Variants in DCHS2 observed in about 807,000 individuals in gnomAD.
DCHS2 encodes the protein protocadherin-23.
DCHS2 carries 142 observed loss-of-function variants against 182.4 expected under a neutral mutation model. The ratio of observed to expected loss-of-function variants is 0.78; its 90% CI spans 0.68 to 0.89. DCHS2 has a LOEUF of 0.89. DCHS2 is among the 40% of genes least tolerant of loss of function. The pLI, the probability that DCHS2 is intolerant of heterozygous loss-of-function variation, is 0.00. For synonymous variants in DCHS2, 1,740 were observed against 1,663.3 expected (o/e 1.05, Z -1.12); for missense variants, 4,319 against 4,198.6 (o/e 1.03, Z -0.79).
At position 154,320,729 on chromosome 4, in the gene DCHS2, G is replaced by A. The variant is rs1390172512; in HGVS notation, c.4670C>T (p.Thr1557Met). 9.3e-6 allele frequency: 15 copies of A among 1,614,050 alleles called. No homozygotes were observed. The highest frequency in any genetic ancestry group is 4.5e-5 in the East Asian group (2 of 44,880). ...QYYIESHNPG[T>M]NPFLIHPSFG... Reference sequence around the variant, plus strand: ...TGAGGGGTGGATGAGAAATGGATTCGTGCCAGGGTTGTGGGATTCAATGTA... The same window carrying A: ...TGAGGGGTGGATGAGAAATGGATTCATGCCAGGGTTGTGGGATTCAATGTA... Residue 1557 changes from threonine (T) to methionine (M), a missense_variant, in exon 9 of 20, where the codon ACG (threonine) becomes ATG (methionine). Coordinates refer to ENST00000357232, the MANE Select transcript of DCHS2 (RefSeq NM_001358235.2).
chr4:154,374,497 T>C (rs1730797086), intron 2 of DCHS2: 1 of 152,280 alleles, frequency 6.6e-6, no homozygotes, highest in Non-Finnish European at 1.5e-5. Flanking sequence ...TTAATATAAA[T>C]TCTGTTTACT....
rs142898690 is a variant in DCHS2 at position 154,270,165 on chromosome 4, C to T, written c.6464-152G>A. 5.0e-4 allele frequency: 491 copies of T among 991,536 alleles called. 2 individuals carry two copies. In the African/African-American group the frequency reaches 7.3e-3, roughly 15 times the overall value. 61.4% of individuals were successfully genotyped at this position (991,536 alleles called of 1,614,324 possible). ...TTATTGTCTTCAATGAGCCAGATCC[C>T]ATGCTAGGTGCTAGGGATATACTAG... On this transcript the variant is annotated intron_variant, in intron 13 of 19. Transcript: ENST00000357232.
intron 1 of DCHS2, among the ~76,000 whole-genome samples, chr4:154,467,566 T>A (rs547497164): frequency 1.3e-5 from 2 of 152,216 alleles, no homozygotes; most frequent in East Asian, 1.9e-4. Flanking sequence ...TGCAGAAATG[T>A]CAAAAGTTTA....
intron 1 of DCHS2, among the ~76,000 whole-genome samples, chr4:154,425,944 C>T (rs1426919813): frequency 6.6e-6 from 1 of 152,212 alleles, no homozygotes; most frequent in Non-Finnish European, 1.5e-5. Flanking sequence ...CCTGCCTGCA[C>T]CTTTAGATTT....
Position 154,480,455 on chromosome 4 carries a change from A to G in DCHS2, c.2052+8849T>C, listed in dbSNP as rs747931304. Among the ~76,000 whole-genome samples the G allele has an allele frequency of 5.6e-4, 86 of 152,220 alleles. 1 individual carries two copies. Among genetic ancestry groups the G allele is most frequent in the Non-Finnish European group, 8.8e-4 (60 of 68,032 alleles). On this transcript the variant is annotated intron_variant, in intron 1 of 19. Coordinates refer to ENST00000357232, the MANE Select transcript of DCHS2 (RefSeq NM_001358235.2). ...TAATGAAGCCACTCAAAAATTGCCAAGTTCTGTTTGGTTCTTTCTTCTTAG... is the reference window on the plus strand; with the variant it reads ...TAATGAAGCCACTCAAAAATTGCCAGGTTCTGTTTGGTTCTTTCTTCTTAG...
rs771962064 is a variant in DCHS2, at chr4:154,322,498, C to A, written c.4019-10G>T. 25 of 1,577,654 alleles carry A rather than the reference C, an allele frequency of 1.6e-5. No individual in the cohort carries two copies. In the African/African-American group the frequency reaches 1.9e-4, roughly 12 times the overall value. ...TGATCAGAACTATCTTCTACACACA[C>A]AAGAAAATTAAGAAATGAATGTTAA... On this transcript the variant is annotated splice_polypyrimidine_tract_variant and intron_variant, in intron 7 of 19. Transcript: ENST00000357232.
intron 1 of DCHS2, among the ~76,000 whole-genome samples, chr4:154,382,317 A>ACACAATAATT (rs1207266199): frequency 6.6e-6 from 1 of 152,138 alleles, no homozygotes; most frequent in Admixed American, 6.6e-5. Flanking sequence ...TAATTTTAAT[A>ACACAATAATT]CACAATAATT....
At position 154,298,058 on chromosome 4, in the gene DCHS2, T is replaced by C; in HGVS notation, c.6256A>G (p.Ile2086Val). 6.2e-7 allele frequency: 1 copy of C among 1,614,136 alleles called. No individual in the cohort carries two copies. Among genetic ancestry groups the C allele is most frequent in the Non-Finnish European group, 8.5e-7 (1 of 1,180,008 alleles). ...SFAETQSMFS[I>V]DKYTGEIQFQ... The stretch of plus-strand genomic sequence containing the variant: ...TGAATTTCTCCTGTGTATTTATCAA[T>C]AGAAAACATTGACTGGGTCTCTGCA... The change falls in exon 13 of 20, where the codon ATT becomes GTT. Residue 2086 changes from isoleucine (I) to valine (V), a missense_variant. By Grantham distance (29) the Ile-to-Val change is conservative. Coordinates refer to ENST00000357232, the MANE Select transcript of DCHS2 (RefSeq NM_001358235.2).
chr4:154,300,445 G>A (rs1342034169), intron 12 of DCHS2, among the ~76,000 whole-genome samples: 5 of 151,286 alleles, frequency 3.3e-5, no homozygotes, highest in South Asian at 2.1e-4. Context: ...AGACCAAGGC[G>A]GGAGGATTGC....
At chr4:154,448,383 C>T (rs1450422010) in intron 1 of DCHS2, among the ~76,000 whole-genome samples, 2 of 152,216 alleles carry the variant, frequency 1.3e-5, no homozygotes, top group East Asian at 1.9e-4. Context: ...GATCTTTTCC[C>T]CTTTACAGAA....
intron 12 of DCHS2, among the ~76,000 whole-genome samples, chr4:154,300,501 T>C: frequency 8.7e-6 from 1 of 114,884 alleles, no homozygotes; most frequent in African/African-American, 3.7e-5. Flanking sequence ...TAGTGAGACC[T>C]CATCTCTACA....
At chr4:154,399,649 T>TTA (rs1560735275) in intron 1 of DCHS2, among the ~76,000 whole-genome samples, 1 of 152,248 alleles carries the variant, frequency 6.6e-6, no homozygotes, top group African/African-American at 2.4e-5. Context: ...CTATCTTTAA[T>TTA]ATTTCAAGGA....
chr4:154,257,781 G>T (rs1315055579), intron 15 of DCHS2, among the ~76,000 whole-genome samples: 1 of 152,140 alleles, frequency 6.6e-6, no homozygotes, highest in Non-Finnish European at 1.5e-5. Flanking sequence ...TAGCTTCCTG[G>T]GAACTCAATG....
Position 154,398,058 on chromosome 4 carries a change from A to T in DCHS2, c.2053-20614T>A, listed in dbSNP as rs141907604. On this transcript the variant is annotated intron_variant, in intron 1 of 19. Transcript: ENST00000357232. ...CAATAATGGGCATGAAAGTAGATAC[A>T]CTTTGTTTTTGTTTCTGTTTTGGCT... is the stretch of plus-strand genomic sequence containing the variant. Among the ~76,000 whole-genome samples the T allele has an allele frequency of 6.7e-3, 1,020 of 152,272 alleles. 5 individuals carry two copies. The highest frequency in any genetic ancestry group is 0.012 in the Non-Finnish European group (787 of 68,006).
chr4:154,248,576 A>G (rs1732197945), intron 16 of DCHS2, among the ~76,000 whole-genome samples: 1 of 152,226 alleles, frequency 6.6e-6, no homozygotes, highest in Non-Finnish European at 1.5e-5. Context: ...TGCTTAGATC[A>G]AAATCTTTAA....
chr4:154,321,328 T>C, intron 8 of DCHS2, 106 bp from the exon 9 acceptor site: 1 of 1,218,126 alleles, frequency 8.2e-7, no homozygotes, highest in Non-Finnish European at 1.1e-6. Context: ...ATGTATGTGA[T>C]CATATGTTAA....
At chr4:154,459,759 T>G (rs1434620499) in intron 1 of DCHS2, among the ~76,000 whole-genome samples, 1 of 151,454 alleles carries the variant, frequency 6.6e-6, no homozygotes, top group African/African-American at 2.4e-5. Context: ...TCTCTCTCTC[T>G]CTCTCTCTCT....
At position 154,465,668 on chromosome 4, in the gene DCHS2, CA is replaced by C. The variant is rs879363340; in HGVS notation, c.2052+23635del. ...TGGGTGACAGAGCAAGACCCCATCT[CA>C]AAAAAAAAAAAAGTGACATACCATT... On this transcript the variant is annotated intron_variant, in intron 1 of 19. Transcript: ENST00000357232. Among the ~76,000 whole-genome samples, 396 of 135,776 alleles carry C rather than the reference CA, an allele frequency of 2.9e-3. 3 individuals carry two copies. The South Asian group carries it at 0.031, about 11-fold the overall frequency. The allele number at this position is 135,776 out of a possible 152,430, so 89.1% of individuals were successfully genotyped here.
intron 1 of DCHS2, among the ~76,000 whole-genome samples, chr4:154,457,938 T>A (rs1734842231): frequency 6.6e-6 from 1 of 152,234 alleles, no homozygotes; most frequent in Non-Finnish European, 1.5e-5. Context: ...TCTACTATTG[T>A]AATTACATCA....
Sources: gnomAD v4.1 joint callset for allele counts (sites outside exome capture counted in the v4.1 genomes callset) on GRCh38, gnomAD v4.1.1 for gene constraint, MANE v1.5 for transcripts, NCBI Gene and HGNC (gene_info 2026-07-23, HGNC 2026-07-21) for gene names.